The following CACNA2D3 variants were observed in gnomAD, a reference collection of about 807,000 sequenced individuals.
CACNA2D3 encodes the protein voltage-dependent calcium channel subunit alpha-2/delta-3.
In CACNA2D3, 60 loss-of-function variants were observed where a neutral mutation model predicts 160.6. The ratio of observed to expected loss-of-function variants is 0.37; its 90% CI spans 0.30 to 0.46. The LOEUF (loss-of-function observed/expected upper bound fraction) is 0.46, where lower values mean the gene tolerates loss of function less well. Among genes scored for constraint, CACNA2D3 ranks in the 20% least tolerant of loss-of-function variants. The pLI is 1.00. For missense variants in CACNA2D3, 1,205 were observed against 1,365.0 expected, an observed-to-expected ratio of 0.88 and a Z score of 1.85; for synonymous variants, 558 against 492.9, an observed-to-expected ratio of 1.13 and a Z score of -1.75.
At chr3:54,842,430 A>G (rs949846069) in intron 16 of CACNA2D3, among the ~76,000 whole-genome samples, 1 of 152,120 alleles carries the variant, frequency 6.6e-6, no homozygotes, top group Non-Finnish European at 1.5e-5. Context: ...AAAATACACA[A>G]ACTGTAACTG....
chr3:54,235,985 A>G (rs1333490478), intron 2 of CACNA2D3, among the ~76,000 whole-genome samples: 4 of 152,222 alleles, frequency 2.6e-5, no homozygotes, highest in Non-Finnish European at 5.9e-5. Flanking sequence ...GAGAAGTCAC[A>G]TTAATAGCAT....
At chr3:54,766,216 T>C (rs1702220808) in intron 13 of CACNA2D3, among the ~76,000 whole-genome samples, 1 of 152,104 alleles carries the variant, frequency 6.6e-6, no homozygotes, top group Admixed American at 6.5e-5. Context: ...GAGAAAATAT[T>C]TGTGACACAT....
At chr3:54,366,694 T>C (rs1343555184) in intron 3 of CACNA2D3, among the ~76,000 whole-genome samples, 2 of 152,254 alleles carry the variant, frequency 1.3e-5, no homozygotes, top group Admixed American at 6.5e-5. Flanking sequence ...CCTATGCATT[T>C]CACTTTGGAA....
intron 13 of CACNA2D3, among the ~76,000 whole-genome samples, chr3:54,815,386 T>A (rs1240735472): frequency 1.3e-5 from 2 of 152,196 alleles, no homozygotes; most frequent in Non-Finnish European, 2.9e-5. Context: ...CTTTGTGGGC[T>A]CCATCCACAG....
chr3:54,928,422 C>G (rs1701090777), intron 27 of CACNA2D3, among the ~76,000 whole-genome samples: 2 of 152,132 alleles, frequency 1.3e-5, no homozygotes, highest in Admixed American at 1.3e-4. Context: ...TTGGGGGATG[C>G]TGGACGGGAC....
At chr3:54,869,675 G>A (rs1699480153) in intron 17 of CACNA2D3, among the ~76,000 whole-genome samples, 1 of 152,132 alleles carries the variant, frequency 6.6e-6, no homozygotes, top group Non-Finnish European at 1.5e-5. Flanking sequence ...GGTCCAGAAC[G>A]ACTGTCTGAC....
At chr3:54,217,063 C>T (rs773488591) in intron 2 of CACNA2D3, among the ~76,000 whole-genome samples, 2 of 152,074 alleles carry the variant, frequency 1.3e-5, no homozygotes, top group Non-Finnish European at 2.9e-5. Flanking sequence ...GAGGAAGGCC[C>T]ACGGGACTGA....
At chr3:54,149,819 GC>G (rs1390214889) in intron 2 of CACNA2D3, among the ~76,000 whole-genome samples, 2 of 149,318 alleles carry the variant, frequency 1.3e-5, no homozygotes, top group Non-Finnish European at 3.0e-5. Context: ...ACAGTGTCTG[GC>G]TCTTGAATGA....
intron 17 of CACNA2D3, among the ~76,000 whole-genome samples, chr3:54,855,998 T>C (rs1268558971): frequency 6.6e-6 from 1 of 152,306 alleles, no homozygotes; most frequent in East Asian, 1.9e-4. Flanking sequence ...TCAAGTCTTC[T>C]TGCATGGACC....
At position 54,294,371 on chromosome 3, in the gene CACNA2D3, C is replaced by T. The variant is rs370914808; in HGVS notation, c.205-26071C>T. Among the ~76,000 whole-genome samples, 117 of 152,286 alleles carry T rather than the reference C, an allele frequency of 7.7e-4. 2 individuals are homozygous for T. The South Asian group carries it at 0.022, about 29-fold the overall frequency. On this transcript the variant is annotated intron_variant, in intron 2 of 37. Coordinates refer to ENST00000474759, the MANE Select transcript of CACNA2D3 (RefSeq NM_018398.3). ...CGAGGGAACAGGTTCAGTTTAGGCC[C>T]CCTGGTGACAAGAAGACGTCTGTGC...
At chr3:54,902,493 A>T (rs572672681) in intron 27 of CACNA2D3, among the ~76,000 whole-genome samples, 1 of 152,286 alleles carries the variant, frequency 6.6e-6, no homozygotes, top group East Asian at 1.9e-4. Context: ...CATTGCTTAC[A>T]GTCCTTCTCT....
chr3:54,302,923 T>A (rs1703512373), intron 2 of CACNA2D3, among the ~76,000 whole-genome samples: 1 of 152,006 alleles, frequency 6.6e-6, no homozygotes, highest in South Asian at 2.1e-4. Flanking sequence ...TTCATGCTGC[T>A]TTTACTCCAG....
At chr3:55,071,962 G>C (rs566377330) in intron 35 of CACNA2D3, among the ~76,000 whole-genome samples, 1 of 152,332 alleles carries the variant, frequency 6.6e-6, no homozygotes. Context: ...GCTATCTCAG[G>C]TAGAATATAT....
At chr3:54,989,963 C>G (rs1336535909) in intron 31 of CACNA2D3, among the ~76,000 whole-genome samples, 1 of 152,162 alleles carries the variant, frequency 6.6e-6, no homozygotes, top group Admixed American at 6.5e-5. Context: ...AAGGTTGACA[C>G]TCCTGTCATT....
chr3:54,376,787 C>T (rs528151272), intron 3 of CACNA2D3, among the ~76,000 whole-genome samples: 1 of 152,142 alleles, frequency 6.6e-6, no homozygotes, highest in Non-Finnish European at 1.5e-5. Context: ...TTGCTGGAGT[C>T]AGGATTTGAA....
intron 13 of CACNA2D3, among the ~76,000 whole-genome samples, chr3:54,783,329 G>A (rs988767426): frequency 6.6e-6 from 1 of 152,118 alleles, no homozygotes; most frequent in Admixed American, 6.5e-5. Context: ...GAGCCAGCCG[G>A]GCACGGTGGC....
chr3:54,558,007 A>G (rs1016023407), intron 5 of CACNA2D3, among the ~76,000 whole-genome samples: 19 of 152,050 alleles, frequency 1.2e-4, no homozygotes, highest in Non-Finnish European at 1.0e-4. Flanking sequence ...CATTCTGTGG[A>G]CTCTAGAGCT....
chr3:54,711,179 G>A (rs936979118), intron 11 of CACNA2D3, among the ~76,000 whole-genome samples: 7 of 152,040 alleles, frequency 4.6e-5, no homozygotes, highest in South Asian at 4.2e-4. Flanking sequence ...GCTTTCTCTC[G>A]CATAAAAAAG....
chr3:54,410,452 G>C (rs1247108943), intron 4 of CACNA2D3, among the ~76,000 whole-genome samples: 7 of 152,102 alleles, frequency 4.6e-5, no homozygotes, highest in Non-Finnish European at 1.0e-4. Flanking sequence ...TGCAACTGGT[G>C]ACCTTAAGTT....
Sources: gnomAD v4.1 joint callset for allele counts (sites outside exome capture counted in the v4.1 genomes callset) on GRCh38, gnomAD v4.1.1 for gene constraint, MANE v1.5 for transcripts, NCBI Gene and HGNC (gene_info 2026-07-23, HGNC 2026-07-21) for gene names.